SAMD5: variants seen among roughly 807,000 people sequenced by gnomAD.
SAMD5 encodes the protein sterile alpha motif domain containing 5, also known as sterile alpha motif domain-containing protein 5.
In SAMD5, 13 loss-of-function variants were observed where a neutral mutation model predicts 11.3. The ratio of observed to expected loss-of-function variants is 1.15; its 90% confidence interval spans 0.75 to 1.83. The LOEUF is 1.83. SAMD5 is among the 40% of genes most tolerant of loss of function. The pLI is 0.00. For missense variants in SAMD5, 255 were observed against 239.1 expected, an observed-to-expected ratio of 1.07 and a Z score of -0.44; for synonymous variants, 129 against 111.3, an observed-to-expected ratio of 1.16 and a Z score of -1.00.
At chr6:147,730,957 A>C (rs998823914) in intron 1 of SAMD5, among the ~76,000 whole-genome samples, 6 of 152,148 alleles carry the variant, frequency 3.9e-5, no homozygotes, top group African/African-American at 1.4e-4. Context: ...AGGAGCAAAA[A>C]TTGTCTGTTT....
At chr6:147,539,974 G>C (rs1212258033) in intron 1 of SAMD5, among the ~76,000 whole-genome samples, 2 of 152,070 alleles carry the variant, frequency 1.3e-5, no homozygotes, top group Non-Finnish European at 2.9e-5. Flanking sequence ...AAATTAATCA[G>C]TTTTACTTTA....
At chr6:147,620,800 G>A (rs1315556973) in intron 1 of SAMD5, among the ~76,000 whole-genome samples, 1 of 152,152 alleles carries the variant, frequency 6.6e-6, no homozygotes, top group Non-Finnish European at 1.5e-5. Context: ...TCCCCAAGTG[G>A]AGCTGATCAG....
intron 1 of SAMD5, among the ~76,000 whole-genome samples, chr6:147,603,037 T>A (rs1789646746): frequency 6.6e-6 from 1 of 152,094 alleles, no homozygotes; most frequent in South Asian, 2.1e-4. Context: ...TATACACAAA[T>A]TACTGTGCTA....
chr6:147,850,214 G>C, the SAMD5 span, among the ~76,000 whole-genome samples: 1 of 152,066 alleles, frequency 6.6e-6, no homozygotes, highest in Non-Finnish European at 1.5e-5. Context: ...AAGACAACAT[G>C]ACATAGAATG....
chr6:147,605,620 A>ACCCATTTT (rs1279469454), intron 1 of SAMD5, among the ~76,000 whole-genome samples: 1 of 152,100 alleles, frequency 6.6e-6, no homozygotes, highest in African/African-American at 2.4e-5. Context: ...AAAAATATTA[A>ACCCATTTT]CCCATTTTTA....
At chr6:147,853,244 C>T in the SAMD5 span, among the ~76,000 whole-genome samples, 7 of 152,090 alleles carry the variant, frequency 4.6e-5, no homozygotes, top group Admixed American at 2.0e-4. Context: ...TGGATTGTCA[C>T]TTGGGTGCCT....
intron 1 of SAMD5, among the ~76,000 whole-genome samples, chr6:147,650,307 G>T (rs1790465542): frequency 6.6e-6 from 1 of 152,196 alleles, no homozygotes. Flanking sequence ...GGAAGGTAGA[G>T]GTAACTTTCA....
At chr6:147,858,054 C>T in the SAMD5 span, among the ~76,000 whole-genome samples, 14 of 152,114 alleles carry the variant, frequency 9.2e-5, no homozygotes, top group Admixed American at 3.9e-4. Context: ...TTGTGGCTGC[C>T]GGCTAATGAA....
At chr6:147,849,180 A>G in the SAMD5 span, among the ~76,000 whole-genome samples, 8 of 129,806 alleles carry the variant, frequency 6.2e-5, no homozygotes, top group East Asian at 1.2e-3. Flanking sequence ...TTTTTTTACA[A>G]TTCTGGATTT....
intron 1 of SAMD5, among the ~76,000 whole-genome samples, chr6:147,552,434 A>T (rs1014371461): frequency 1.3e-5 from 2 of 152,200 alleles, no homozygotes; most frequent in Non-Finnish European, 2.9e-5. Context: ...TCCAATTTCC[A>T]CTTCAGAAGA....
At chr6:147,626,497 G>A (rs1386320914) in intron 1 of SAMD5, among the ~76,000 whole-genome samples, 1 of 151,190 alleles carries the variant, frequency 6.6e-6, no homozygotes, top group African/African-American at 2.4e-5. Flanking sequence ...CACTGATTTA[G>A]CCTTTGTAAC....
At chr6:147,677,383 TG>T (rs1356950268) in intron 1 of SAMD5, among the ~76,000 whole-genome samples, 1 of 151,992 alleles carries the variant, frequency 6.6e-6, no homozygotes, top group Non-Finnish European at 1.5e-5. Context: ...CCCAGAGAAC[TG>T]GGAAAGCAAT....
At chr6:147,778,439 A>G in the SAMD5 span, among the ~76,000 whole-genome samples, 1 of 152,192 alleles carries the variant, frequency 6.6e-6, no homozygotes, top group Non-Finnish European at 1.5e-5. Flanking sequence ...AACCGAAGGC[A>G]GATTCCAAGC....
the SAMD5 span, among the ~76,000 whole-genome samples, chr6:147,837,340 C>T: frequency 6.6e-6 from 1 of 152,190 alleles, no homozygotes; most frequent in Non-Finnish European, 1.5e-5. Context: ...TCCCATTCTC[C>T]TTACATCTGG....
chr6:147,899,189 A>AAAAAAAAAAAG, the SAMD5 span, among the ~76,000 whole-genome samples: 6,394 of 121,982 alleles, frequency 0.052, 648 homozygotes, highest in East Asian at 0.11. Context: ...AAAAAAAAAA[A>AAAAAAAAAAAG]AAAAGATAAC....
At chr6:147,562,821 C>CAA (rs781600033) in intron 1 of SAMD5, among the ~76,000 whole-genome samples, 9,381 of 144,990 alleles carry the variant, frequency 0.065, 457 homozygotes, top group African/African-American at 0.13. Flanking sequence ...GACTCCGTCT[C>CAA]AAAAAAAAAT....
intron 1 of SAMD5, among the ~76,000 whole-genome samples, chr6:147,634,654 G>A (rs1790198713): frequency 6.6e-6 from 1 of 152,120 alleles, no homozygotes; most frequent in Admixed American, 6.5e-5. Context: ...TTTCCAACTA[G>A]AGTACAACTA....
chr6:147,638,046 T>C (rs1451211358), intron 1 of SAMD5, among the ~76,000 whole-genome samples: 1 of 152,160 alleles, frequency 6.6e-6, no homozygotes, highest in Non-Finnish European at 1.5e-5. Context: ...CACTTCGTAA[T>C]GGTAATGGAG....
the SAMD5 span, among the ~76,000 whole-genome samples, chr6:147,891,992 T>C: frequency 2.0e-5 from 3 of 152,094 alleles, no homozygotes; most frequent in East Asian, 1.9e-4. Context: ...CCCTCTCCAG[T>C]GAGGAGGGTG....
Sources: gnomAD v4.1 joint callset for allele counts (sites outside exome capture counted in the v4.1 genomes callset) on GRCh38, gnomAD v4.1.1 for gene constraint, MANE v1.5 for transcripts, NCBI Gene and HGNC (gene_info 2026-07-23, HGNC 2026-07-21) for gene names.